Variants in PCDH15 observed in about 807,000 individuals in gnomAD.
The protein encoded by PCDH15 is protocadherin-15.
Under a neutral mutation model 178.5 loss-of-function variants are expected in PCDH15, and 129 were observed. That is an observed-to-expected ratio of 0.72 (90% CI 0.63 to 0.84). The LOEUF is 0.84. PCDH15 is among the 40% of genes least tolerant of loss of function. The probability of loss-of-function intolerance (pLI) is 0.00; values close to 1 mark genes in which losing one functional copy is unlikely to be tolerated. For missense variants in PCDH15, 2,230 were observed against 2,099.9 expected, an observed-to-expected ratio of 1.06 and a Z score of -1.21; for synonymous variants, 800 against 732.0, an observed-to-expected ratio of 1.09 and a Z score of -1.50.
At chr10:54,267,111 AG>A (rs545349302) in intron 8 of PCDH15, among the ~76,000 whole-genome samples, 13 of 152,002 alleles carry the variant, frequency 8.6e-5, no homozygotes, top group Non-Finnish European at 1.8e-4. Flanking sequence ...CTGGGATGCA[AG>A]GGTTGTTCAA....
intron 29 of PCDH15, 68 bp downstream of exon 29, chr10:53,840,252 T>C: frequency 6.5e-7 from 1 of 1,537,598 alleles, no homozygotes; most frequent in African/African-American, 1.4e-5. Flanking sequence ...ACTTATAGCC[T>C]CAAGTCAGAA....
At chr10:55,187,943 G>T (rs1400542660) in intron 1 of PCDH15, among the ~76,000 whole-genome samples, 6 of 151,888 alleles carry the variant, frequency 4.0e-5, no homozygotes, top group Non-Finnish European at 8.8e-5. Context: ...ATATTCTGCA[G>T]GCAGTCAAGA....
At chr10:55,571,894 G>GC in intron 2 of PCDH15, among the ~76,000 whole-genome samples, 1 of 152,156 alleles carries the variant, frequency 6.6e-6, no homozygotes, top group East Asian at 1.9e-4. Flanking sequence ...TCTTTGCAAA[G>GC]CAATAAAAGT....
intron 3 of PCDH15, among the ~76,000 whole-genome samples, chr10:54,831,128 C>T (rs1215450691): frequency 4.6e-5 from 7 of 151,920 alleles, no homozygotes; most frequent in Non-Finnish European, 1.0e-4. Context: ...AATCATTCAG[C>T]GTAGAACATC....
chr10:55,475,635 T>A (rs1840047849), intron 2 of PCDH15, among the ~76,000 whole-genome samples: 2 of 152,156 alleles, frequency 1.3e-5, no homozygotes, highest in African/African-American at 2.4e-5. Flanking sequence ...ACACAATTAC[T>A]TTCAGGCTGT....
At chr10:55,003,773 C>T (rs1171957157) in intron 2 of PCDH15, among the ~76,000 whole-genome samples, 1 of 149,358 alleles carries the variant, frequency 6.7e-6, no homozygotes, top group South Asian at 2.1e-4. Context: ...GATGAGACCC[C>T]CTTAGAAGGA....
intron 1 of PCDH15, among the ~76,000 whole-genome samples, chr10:55,212,110 T>C (rs1405797740): frequency 1.3e-5 from 2 of 152,064 alleles, no homozygotes; most frequent in African/African-American, 2.4e-5. Flanking sequence ...TGTTACCACA[T>C]GCACAGTAAA....
chr10:54,064,302 C>A (rs1590199837), intron 18 of PCDH15, among the ~76,000 whole-genome samples: 1 of 152,142 alleles, frequency 6.6e-6, no homozygotes, highest in Admixed American at 6.5e-5. Context: ...CTGGCTGGCT[C>A]CAGGGTTTTT....
chr10:55,424,441 G>C (rs1320416951), intron 2 of PCDH15, among the ~76,000 whole-genome samples: 1 of 152,130 alleles, frequency 6.6e-6, no homozygotes. Flanking sequence ...CACTATGAAA[G>C]GTCTCACATA....
intron 2 of PCDH15, among the ~76,000 whole-genome samples, chr10:54,546,475 T>G (rs895881291): frequency 6.6e-6 from 1 of 152,128 alleles, no homozygotes; most frequent in African/African-American, 2.4e-5. Flanking sequence ...AAATTGCTTT[T>G]AGGAATTTAT....
chr10:54,837,925 C>T (rs1953345642), intron 3 of PCDH15, among the ~76,000 whole-genome samples: 1 of 152,112 alleles, frequency 6.6e-6, no homozygotes, highest in Admixed American at 6.6e-5. Context: ...GTTACTTACA[C>T]ACATGCTCTG....
intron 2 of PCDH15, among the ~76,000 whole-genome samples, chr10:55,160,912 C>T (rs1054342553): frequency 1.3e-5 from 2 of 152,134 alleles, no homozygotes; most frequent in African/African-American, 4.8e-5. Flanking sequence ...AAAGCCTTGC[C>T]TGGTACTTGT....
At chr10:54,284,680 C>T (rs912624974) in intron 8 of PCDH15, among the ~76,000 whole-genome samples, 2 of 152,078 alleles carry the variant, frequency 1.3e-5, no homozygotes, top group South Asian at 2.1e-4. Context: ...ACAGAGCTGC[C>T]CATTGTGGTC....
chr10:55,425,006 C>G (rs1838717272), intron 2 of PCDH15, among the ~76,000 whole-genome samples: 1 of 151,356 alleles, frequency 6.6e-6, no homozygotes, highest in African/African-American at 2.4e-5. Context: ...AGAAACAGAT[C>G]AAATTATAGA....
intron 1 of PCDH15, among the ~76,000 whole-genome samples, chr10:54,746,869 T>C (rs554624655): frequency 7.6e-4 from 115 of 152,310 alleles, no homozygotes; most frequent in African/African-American, 2.4e-3. Context: ...ACCTCTCCCA[T>C]TCGAGTCGCA....
At chr10:54,783,712 G>T (rs546213013) in intron 1 of PCDH15, among the ~76,000 whole-genome samples, 2 of 152,196 alleles carry the variant, frequency 1.3e-5, no homozygotes, top group South Asian at 2.1e-4. Flanking sequence ...AAAAGTAAAA[G>T]ACAAAGAGAA....
chr10:55,146,585 T>G (rs1037723876), intron 2 of PCDH15, among the ~76,000 whole-genome samples: 3 of 151,936 alleles, frequency 2.0e-5, no homozygotes, highest in African/African-American at 7.2e-5. Context: ...AACAAGACAT[T>G]AATAAAACAA....
chr10:54,376,548 C>A (rs1451743225), intron 4 of PCDH15, among the ~76,000 whole-genome samples: 2 of 150,998 alleles, frequency 1.3e-5, no homozygotes, highest in Non-Finnish European at 3.0e-5. Flanking sequence ...AAAATGAATT[C>A]TCTACTATAT....
At chr10:54,033,614 A>C (rs1282569405) in intron 18 of PCDH15, among the ~76,000 whole-genome samples, 1 of 151,870 alleles carries the variant, frequency 6.6e-6, no homozygotes, top group Non-Finnish European at 1.5e-5. Context: ...AATACTCATC[A>C]CTTCTTAAGT....
Sources: allele counts gnomAD v4.1 joint callset (sites outside exome capture counted in the v4.1 genomes callset), GRCh38; gene constraint gnomAD v4.1.1; transcripts MANE v1.5; gene names NCBI Gene and HGNC (gene_info 2026-07-23, HGNC 2026-07-21).